Variants in CEP192 observed in about 807,000 individuals in gnomAD.
The protein encoded by CEP192 is centrosomal protein 192.
In CEP192, 151 loss-of-function variants were observed where a neutral mutation model predicts 271.8. The observed-to-expected ratio is 0.56, with a 90% CI of 0.49 to 0.64. CEP192 has a LOEUF of 0.64. Ranked by LOEUF, CEP192 falls within the 30% of genes least tolerant of loss-of-function variation. CEP192 has a pLI of 0.00. For missense variants in CEP192, 2,910 were observed against 3,020.5 expected (o/e 0.96, Z 0.86); for synonymous variants, 995 against 1,076.5 (o/e 0.92, Z 1.48).
intron 32 of CEP192, among the ~76,000 whole-genome samples, chr18:13,088,021 T>A (rs1397633496): frequency 2.0e-5 from 3 of 152,210 alleles, no homozygotes; most frequent in African/African-American, 7.2e-5. Flanking sequence ...TTATATTGTA[T>A]AAACACAGAT....
intron 40 of CEP192, among the ~76,000 whole-genome samples, chr18:13,111,871 T>C (rs572272863): frequency 1.3e-5 from 2 of 152,302 alleles, no homozygotes; most frequent in Admixed American, 1.3e-4. Flanking sequence ...TGTGAGAAGA[T>C]GCTTAGAATT....
At chr18:13,095,439 T>C in intron 34 of CEP192, 64 bp from the exon 35 acceptor site, 1 of 1,278,086 alleles carries the variant, frequency 7.8e-7, no homozygotes, top group Non-Finnish European at 1.1e-6. Context: ...TGGCCTTTTA[T>C]CATTTTTAAC....
chr18:13,059,982 C>T (rs2037320145), intron 21 of CEP192, among the ~76,000 whole-genome samples: 1 of 152,042 alleles, frequency 6.6e-6, no homozygotes, highest in Admixed American at 6.6e-5. Context: ...TCAGAACTAA[C>T]ATTGAAAAAA....
At chr18:13,057,523 T>C in intron 19 of CEP192, 62 bp from the exon 20 acceptor site, 1 of 1,573,164 alleles carries the variant, frequency 6.4e-7, no homozygotes, top group South Asian at 1.1e-5. Context: ...TTTAACAGAT[T>C]TGGCTTATAA....
intron 1 of CEP192, among the ~76,000 whole-genome samples, chr18:12,998,672 C>G (rs1290923231): frequency 6.6e-6 from 1 of 152,084 alleles, no homozygotes; most frequent in Non-Finnish European, 1.5e-5. Context: ...CCAATATCCT[C>G]TCATTTTTTT....
chr18:13,108,565 T>C (rs1195182071), intron 40 of CEP192, among the ~76,000 whole-genome samples: 3 of 152,142 alleles, frequency 2.0e-5, no homozygotes, highest in Non-Finnish European at 4.4e-5. Flanking sequence ...CTCCACATCA[T>C]TAATCATCAA....
chr18:13,069,000 A>C lies in CEP192; in HGVS notation c.4962+9A>C. 1 of 1,614,200 alleles carries C rather than the reference A, an allele frequency of 6.2e-7. No homozygotes were observed. Among genetic ancestry groups the C allele is most frequent in the Non-Finnish European group, 8.5e-7 (1 of 1,180,020 alleles). ...CTCCCAGGGACTTGCAGGTAGCCTCAGTCCTCCTTTCTGCCGTTACTGCTT... is the reference window on the plus strand; with the variant it reads ...CTCCCAGGGACTTGCAGGTAGCCTCCGTCCTCCTTTCTGCCGTTACTGCTT... On this transcript the variant is annotated intron_variant, in intron 25 of 44. Coordinates refer to ENST00000506447, the MANE Select transcript of CEP192 (RefSeq NM_032142.4).
rs781698192 is a variant in CEP192 at position 13,019,176 on chromosome 18, T to A, written c.1020T>A (p.Asn340Lys). ...GGGGAACTGAGAAAGAAATAGAAAATTTGAAGGGTATTGTTCCAGATCTTA... is the reference window on the plus strand; with the variant it reads ...GGGGAACTGAGAAAGAAATAGAAAAATTGAAGGGTATTGTTCCAGATCTTA... ...GTWGTEKEIE[N>K]LKGIVPDLNS... Residue 340 changes from asparagine (N) to lysine (K), a missense_variant, in exon 9 of 45, where the codon AAT becomes AAA. Transcript: ENST00000506447. 6.5e-7 allele frequency: 1 copy of A among 1,544,450 alleles called. No individual in the cohort carries two copies. Among genetic ancestry groups the A allele is most frequent in the Non-Finnish European group, 8.7e-7 (1 of 1,144,384 alleles).
intron 42 of CEP192, among the ~76,000 whole-genome samples, 195 bp downstream of exon 42, chr18:13,114,446 T>C (rs1348072194): frequency 2.0e-5 from 3 of 152,214 alleles, no homozygotes; most frequent in Admixed American, 6.5e-5. Context: ...CTGATTTCTG[T>C]CATCATAGAT....
chr18:13,089,597 A>G, intron 33 of CEP192, 32 bp downstream of exon 33: 1 of 1,057,900 alleles, frequency 9.5e-7, no homozygotes, highest in Non-Finnish European at 1.4e-6. Context: ...GATGTATTAA[A>G]TCTTTTGGGT....
chr18:13,018,791 T>C (rs2034813567), intron 8 of CEP192, among the ~76,000 whole-genome samples, 176 bp downstream of exon 8: 1 of 152,168 alleles, frequency 6.6e-6, no homozygotes, highest in Admixed American at 6.5e-5. Context: ...AGTAAATTAG[T>C]GTTACTAGAA....
At chr18:13,078,367 A>C (rs1221672341) in intron 30 of CEP192, among the ~76,000 whole-genome samples, 1 of 152,100 alleles carries the variant, frequency 6.6e-6, no homozygotes, top group Non-Finnish European at 1.5e-5. Flanking sequence ...AGTCTTTGCT[A>C]TTGTGAACAG....
At chr18:13,086,724 A>G (rs2038914494) in intron 30 of CEP192, among the ~76,000 whole-genome samples, 1 of 152,236 alleles carries the variant, frequency 6.6e-6, no homozygotes, top group Non-Finnish European at 1.5e-5. Context: ...TTAATCAAGC[A>G]TATCTGTACT....
chr18:13,088,655 T>C (rs1042596596), intron 32 of CEP192: 1 of 192,314 alleles, frequency 5.2e-6, no homozygotes, highest in Middle Eastern at 2.0e-3. Flanking sequence ...AGAAAGGGGG[T>C]GTGGAGGAAT....
At chr18:13,117,255 T>C (rs2040475549) in intron 43 of CEP192, among the ~76,000 whole-genome samples, 1 of 152,170 alleles carries the variant, frequency 6.6e-6, no homozygotes, top group South Asian at 2.1e-4. Flanking sequence ...AGTATTTTAT[T>C]TGAACATAAA....
intron 21 of CEP192, among the ~76,000 whole-genome samples, chr18:13,064,257 C>T (rs184937600): frequency 3.0e-4 from 45 of 152,046 alleles, no homozygotes; most frequent in Admixed American, 8.5e-4. Flanking sequence ...GTTTTCCCAG[C>T]GCCATTTATT....
At position 13,091,385 on chromosome 18, in the gene CEP192, T is replaced by C. The variant is rs117244842; in HGVS notation, c.6104-992T>C. ...CAGAATTTCACCTCAAGGAATACTA[T>C]ATTCCTTGTGATTATAAGTTTATTG... On this transcript the variant is annotated intron_variant, in intron 33 of 44. Transcript: ENST00000506447. Among the ~76,000 whole-genome samples, 588 of 152,324 alleles carry C rather than the reference T, an allele frequency of 3.9e-3. 3 individuals are homozygous for C. The highest frequency in any genetic ancestry group is 0.02 in the Middle Eastern group (6 of 294).
chr18:13,000,091 C>CTCTCTTTTTTTTTT lies in CEP192; in HGVS notation c.164+504_164+505insCTCTTTTTTTTTTT, dbSNP rs1555698196. ...CTCTGTATAACTCATTGTCTTCTCT[C>CTCTCTTTTTTTTTT]TTTTTTTTTTTTTTTTTTTTTTTTT... On this transcript the variant is annotated intron_variant, in intron 2 of 44. Coordinates refer to ENST00000506447, the MANE Select transcript of CEP192 (RefSeq NM_032142.4). Among the ~76,000 whole-genome samples, 69 of 76,754 alleles carry CTCTCTTTTTTTTTT rather than the reference C, an allele frequency of 9.0e-4. 7 individuals carry two copies. Among genetic ancestry groups the CTCTCTTTTTTTTTT allele is most frequent in the East Asian group, 4.2e-3 (11 of 2,630 alleles). 50.4% of individuals were successfully genotyped at this position (76,754 alleles called of 152,430 possible).
chr18:13,055,506 C>T (rs1160496929), intron 18 of CEP192, among the ~76,000 whole-genome samples: 6 of 152,160 alleles, frequency 3.9e-5, no homozygotes, highest in African/African-American at 9.7e-5. Flanking sequence ...AGACTCTGGT[C>T]GTTTATCTGT....
Sources: allele counts gnomAD v4.1 joint callset (sites outside exome capture counted in the v4.1 genomes callset), GRCh38; gene constraint gnomAD v4.1.1; transcripts MANE v1.5; gene names NCBI Gene and HGNC (gene_info 2026-07-23, HGNC 2026-07-21).